The following EVC2 variants were observed in gnomAD, a reference collection of about 807,000 sequenced individuals.
EVC2 encodes limbin.
EVC2 carries 148 observed loss-of-function variants against 149.3 expected under a neutral mutation model. The ratio of observed to expected loss-of-function variants is 0.99; its 90% CI spans 0.87 to 1.14. The LOEUF (loss-of-function observed/expected upper bound fraction) is 1.14, where lower values mean the gene tolerates loss of function less well. EVC2 is among the 50% of genes most tolerant of loss of function. The pLI is 0.00. For synonymous variants in EVC2, 776 were observed against 649.9 expected, an observed-to-expected ratio of 1.19 and a Z score of -2.95; for missense variants, 1,854 against 1,627.3, an observed-to-expected ratio of 1.14 and a Z score of -2.40.
At chr4:5,588,729 G>A (rs552380630) in intron 16 of EVC2, among the ~76,000 whole-genome samples, 1 of 152,158 alleles carries the variant, frequency 6.6e-6, no homozygotes, top group East Asian at 1.9e-4. Flanking sequence ...TGGTATAGAT[G>A]TAAATATAGA....
intron 1 of EVC2, among the ~76,000 whole-genome samples, chr4:5,704,295 C>A (rs1722003243): frequency 6.6e-6 from 1 of 152,022 alleles, no homozygotes; most frequent in African/African-American, 2.4e-5. Context: ...GAAAATGAAA[C>A]CCATGCGATA....
chr4:5,689,482 T>C (rs1720961929), intron 4 of EVC2, 139 bp from the exon 5 acceptor site: 8 of 825,094 alleles, frequency 9.7e-6, no homozygotes, highest in South Asian at 8.8e-5. Context: ...CCTGGGAATT[T>C]ATCAGTCTCA....
At position 5,618,440 on chromosome 4, in the gene EVC2, C is replaced by T. The variant is rs766280995; in HGVS notation, c.2706+38G>A. 1 of 1,611,364 alleles carries T rather than the reference C, an allele frequency of 6.2e-7. No homozygotes were observed. Among genetic ancestry groups the T allele is most frequent in the Non-Finnish European group, 8.5e-7 (1 of 1,179,356 alleles). ...GTAGGGCCAGCAGCTGGGAGACGGCCCTGCTTCTGTAATCGGCCACTGACA... is the reference window on the plus strand; with the variant it reads ...GTAGGGCCAGCAGCTGGGAGACGGCTCTGCTTCTGTAATCGGCCACTGACA... On this transcript the variant is annotated intron_variant, in intron 15 of 21. Transcript: ENST00000344408. The surrounding 1 kb of genome is among the most constrained non-coding windows in gnomAD (Gnocchi z 4.4).
chr4:5,650,638 T>TAG lies in EVC2; in HGVS notation c.1146-9802_1146-9801dup, dbSNP rs375595646. On this transcript the variant is annotated intron_variant, in intron 9 of 21. Coordinates refer to ENST00000344408, the MANE Select transcript of EVC2 (RefSeq NM_147127.5). ...ATATATATATATATATATATATATA[T>TAG]AGAGAGAGAGAGAGAGAGAGAGAGA... Among the ~76,000 whole-genome samples the TAG allele has an allele frequency of 3.3e-3, 149 of 45,072 alleles. 2 individuals are homozygous for TAG. The highest frequency in any genetic ancestry group is 3.6e-3 in the Admixed American group (12 of 3,302). The allele number at this position is 45,072 out of a possible 152,430, so 29.6% of individuals were successfully genotyped here.
In EVC2 at chr4:5,708,353, G is replaced by A; in HGVS notation, c.161C>T (p.Pro54Leu). 2.0e-6 allele frequency: 3 copies of A among 1,486,502 alleles called. No individual in the cohort carries two copies. The highest frequency in any genetic ancestry group is 1.8e-6 in the Non-Finnish European group (2 of 1,124,566). 92.1% of individuals were successfully genotyped at this position (1,486,502 alleles called of 1,614,324 possible). A position where few individuals can be genotyped will look rare whatever the true frequency, so the allele number is the denominator to read the frequency against. ...GATCCTCAGGCCGGGCCCAGACCTA[G>A]GAGCCACCTGGGGATCCCGGGGTGG... ...AQPPRDPQVA[P>L]RSGPGLRIPP... Residue 54 changes from proline (P) to leucine (L), a missense_variant, in exon 1 of 22, where the codon CCT becomes CTT. Physicochemically the swap from Pro to Leu is moderately conservative, Grantham distance 98 (BLOSUM62 -3). Transcript: ENST00000344408.
At chr4:5,603,215 T>A (rs1004310776) in intron 16 of EVC2, among the ~76,000 whole-genome samples, 2 of 152,188 alleles carry the variant, frequency 1.3e-5, no homozygotes, top group Non-Finnish European at 2.9e-5. Context: ...AGGCCTTGAA[T>A]GCCAAGCTCA....
Position 5,708,506 on chromosome 4 carries a change from G to A in EVC2, c.8C>T (p.Pro3Leu), listed in dbSNP as rs927592733. 9.5e-6 allele frequency: 14 copies of A among 1,476,650 alleles called. No homozygotes were observed. Among genetic ancestry groups the A allele is most frequent in the South Asian group, 1.3e-5 (1 of 77,258 alleles). The allele number at this position is 1,476,650 out of a possible 1,614,324, so 91.5% of individuals were successfully genotyped here. Residue 3 changes from proline to leucine, a missense_variant, in exon 1 of 22, where the codon CCC (proline) becomes CTC (leucine). Physicochemically the swap from Pro to Leu is moderately conservative, Grantham distance 98 (BLOSUM62 -3). Coordinates refer to ENST00000344408, the MANE Select transcript of EVC2 (RefSeq NM_147127.5). Reference sequence around the variant, plus strand: ...CGTGGGGCGCCCCCGGGAGCCCGAGGGGTCCATCGCCTGTCGGGACCCGCT... The same window carrying A: ...CGTGGGGCGCCCCCGGGAGCCCGAGAGGTCCATCGCCTGTCGGGACCCGCT... MD[P>L]SGSRGRPTWV...
At chr4:5,664,917 G>A (rs1163823477) in intron 8 of EVC2, among the ~76,000 whole-genome samples, 8 of 150,344 alleles carry the variant, frequency 5.3e-5, no homozygotes, top group South Asian at 2.1e-4. Flanking sequence ...GATGGGGTGC[G>A]TGTGGGTGAC....
chr4:5,573,741 G>T (rs1011677225), intron 19 of EVC2, among the ~76,000 whole-genome samples: 1 of 152,184 alleles, frequency 6.6e-6, no homozygotes, highest in African/African-American at 2.4e-5. Context: ...AGCTCGGTGT[G>T]CCTGTGGATG....
rs1577165251 is a variant in EVC2, at chr4:5,618,895, G to C, written c.2502-213C>G. On this transcript the variant is annotated intron_variant, in intron 14 of 21. Coordinates refer to ENST00000344408, the MANE Select transcript of EVC2 (RefSeq NM_147127.5). The surrounding 1 kb of genome is among the most constrained non-coding windows in gnomAD (Gnocchi z 4.4). ...CATTGTATTGGAGCTAGGAATGAGA[G>C]CTGAATGAGGCCAGGCTGTGAGGGT... Among the ~76,000 whole-genome samples, 3 of 152,366 alleles carry C rather than the reference G, an allele frequency of 2.0e-5. No homozygotes were observed. Among genetic ancestry groups the C allele is most frequent in the East Asian group, 1.9e-4 (1 of 5,180 alleles).
In EVC2 at chr4:5,640,694, A is replaced by G; in HGVS notation, c.1290T>C (p.Ala430=). 6.2e-7 allele frequency: 1 copy of G among 1,614,120 alleles called. No individual in the cohort carries two copies. Among genetic ancestry groups the G allele is most frequent in the Admixed American group, 1.7e-5 (1 of 60,018 alleles). ...GCAATAGAAACTGCTTTTTGAAAAC[A>G]GCACTCATTTTTCTCTCTACTTGGG... ...LSPQVERKMS[A]VFKKQFLLLE... Residue 430 remains alanine (A), a synonymous_variant, in exon 10 of 22, where the codon GCT becomes GCC. Coordinates refer to ENST00000344408, the MANE Select transcript of EVC2 (RefSeq NM_147127.5). The surrounding 1 kb of genome is among the most constrained non-coding windows in gnomAD (Gnocchi z 4.6).
intron 13 of EVC2, 113 bp from the exon 14 acceptor site, chr4:5,623,104 A>G (rs1392792621): frequency 1.0e-6 from 1 of 982,542 alleles, no homozygotes; most frequent in Non-Finnish European, 1.5e-6. Flanking sequence ...TTCCCCAACA[A>G]TCTCACATTT....
intron 18 of EVC2, 93 bp from the exon 19 acceptor site, chr4:5,574,865 T>A: frequency 8.6e-6 from 11 of 1,271,980 alleles, no homozygotes; most frequent in Non-Finnish European, 1.2e-5. Context: ...GAAGCACACA[T>A]CTCAGCCATA....
At chr4:5,697,532 C>T (rs1223198707) in intron 2 of EVC2, 61 bp downstream of exon 2, 1 of 1,544,230 alleles carries the variant, frequency 6.5e-7, no homozygotes, top group African/African-American at 1.4e-5. Flanking sequence ...GGAAGGAGGG[C>T]TTCAGGCTTC....
At chr4:5,655,640 C>G (rs113033350) in intron 9 of EVC2, among the ~76,000 whole-genome samples, 1 of 151,946 alleles carries the variant, frequency 6.6e-6, no homozygotes, top group Non-Finnish European at 1.5e-5. Flanking sequence ...GAAATAGACA[C>G]AACTCGCGCA....
rs972221525 is a variant in EVC2 at position 5,584,949 on chromosome 4, T to C, written c.2830-99A>G. 5.3e-6 allele frequency: 7 copies of C among 1,308,912 alleles called. No individual in the cohort carries two copies. In the African/African-American group the frequency reaches 7.3e-5, roughly 14 times the overall value. The allele number at this position is 1,308,912 out of a possible 1,614,324, so 81.1% of individuals were successfully genotyped here. On this transcript the variant is annotated intron_variant, in intron 16 of 21. Coordinates refer to ENST00000344408, the MANE Select transcript of EVC2 (RefSeq NM_147127.5). ...TTCAGAGTTCACAGACCTGGGATTC[T>C]GAGGACCACCAAAAGTTTACAATGG...
chr4:5,689,002 T>C (rs1454428149), intron 5 of EVC2, among the ~76,000 whole-genome samples, 155 bp downstream of exon 5: 1 of 152,212 alleles, frequency 6.6e-6, no homozygotes, highest in Non-Finnish European at 1.5e-5. Flanking sequence ...CTTTTCTCTT[T>C]TTTTGATACC....
At chr4:5,681,797 G>A (rs890461942) in intron 6 of EVC2, among the ~76,000 whole-genome samples, 1 of 152,180 alleles carries the variant, frequency 6.6e-6, no homozygotes, top group South Asian at 2.1e-4. Flanking sequence ...GAAGATACAG[G>A]AAACAGAAAA....
At chr4:5,594,103 C>T (rs6446382) in intron 16 of EVC2, among the ~76,000 whole-genome samples, 1 of 151,938 alleles carries the variant, frequency 6.6e-6, no homozygotes, top group African/African-American at 2.4e-5. Flanking sequence ...ACAGCTCAAG[C>T]AGGCCTGCCT....
Sources: gnomAD v4.1 joint callset for allele counts (sites outside exome capture counted in the v4.1 genomes callset) on GRCh38, gnomAD v4.1.1 for gene constraint, Gnocchi (gnomAD v3.1) non-coding constraint, MANE v1.5 for transcripts, NCBI Gene and HGNC (gene_info 2026-07-23, HGNC 2026-07-21) for gene names.